The following VWA8 variants were observed in gnomAD, a reference collection of about 807,000 sequenced individuals.
The protein encoded by VWA8 is von Willebrand factor A domain-containing protein 8.
Under a neutral mutation model 241.5 loss-of-function variants are expected in VWA8, and 221 were observed. That is an observed-to-expected ratio of 0.91 (90% CI 0.82 to 1.02). VWA8 has a LOEUF of 1.02. Among genes scored for constraint, VWA8 ranks in the 50% least tolerant of loss-of-function variants. VWA8 has a pLI of 0.00. For missense variants in VWA8, 2,322 were observed against 2,328.7 expected, an observed-to-expected ratio of 1.00 and a Z score of 0.06; for synonymous variants, 852 against 827.1, an observed-to-expected ratio of 1.03 and a Z score of -0.52.
At chr13:41,933,896 G>A (rs111808719) in intron 2 of VWA8, among the ~76,000 whole-genome samples, 8 of 151,870 alleles carry the variant, frequency 5.3e-5, no homozygotes, top group Middle Eastern at 3.4e-3. Flanking sequence ...TGTGACCCTC[G>A]GTTAACAAAG....
chr13:41,615,454 T>A (rs1351084943), intron 37 of VWA8, among the ~76,000 whole-genome samples: 1 of 152,166 alleles, frequency 6.6e-6, no homozygotes, highest in Non-Finnish European at 1.5e-5. Flanking sequence ...TTTAAAAGGA[T>A]CACCACCTAG....
chr13:41,858,611 C>CA (rs905800828), intron 12 of VWA8, among the ~76,000 whole-genome samples: 77 of 133,026 alleles, frequency 5.8e-4, no homozygotes, highest in East Asian at 1.1e-3. Flanking sequence ...GACTTCATCT[C>CA]AAAAAAAAAA....
intron 2 of VWA8, among the ~76,000 whole-genome samples, chr13:41,944,999 C>A (rs1877786343): frequency 6.6e-6 from 1 of 152,148 alleles, no homozygotes; most frequent in Admixed American, 6.5e-5. Context: ...GAAGGCCATG[C>A]ATATATTCAG....
intron 43 of VWA8, among the ~76,000 whole-genome samples, 176 bp from the exon 44 acceptor site, chr13:41,570,882 T>C (rs1023717554): frequency 6.6e-6 from 1 of 152,250 alleles, no homozygotes; most frequent in Non-Finnish European, 1.5e-5. Flanking sequence ...TATACAGTGA[T>C]ATTTGTTATC....
intron 15 of VWA8, among the ~76,000 whole-genome samples, chr13:41,818,830 A>C (rs1870819199): frequency 6.6e-6 from 1 of 152,164 alleles, no homozygotes; most frequent in Non-Finnish European, 1.5e-5. Flanking sequence ...CTAAACAGAA[A>C]AATAAAAAGG....
intron 37 of VWA8, among the ~76,000 whole-genome samples, chr13:41,662,130 C>T (rs1339789906): frequency 6.6e-6 from 1 of 152,066 alleles, no homozygotes; most frequent in Non-Finnish European, 1.5e-5. Flanking sequence ...GTTCATTTAT[C>T]TTCCCATATA....
At chr13:41,734,582 C>T (rs2045510959) in intron 21 of VWA8, among the ~76,000 whole-genome samples, 1 of 152,146 alleles carries the variant, frequency 6.6e-6, no homozygotes, top group Admixed American at 6.5e-5. Flanking sequence ...AATTTGTAGA[C>T]TATTTGCCTT....
intron 2 of VWA8, among the ~76,000 whole-genome samples, chr13:41,917,960 G>A (rs189968407): frequency 3.2e-4 from 48 of 152,162 alleles, no homozygotes; most frequent in Non-Finnish European, 7.4e-5. Context: ...CTGCAACTAC[G>A]TGCTCATCTG....
chr13:41,957,747 G>A (rs955975246), intron 1 of VWA8, among the ~76,000 whole-genome samples: 1 of 152,120 alleles, frequency 6.6e-6, no homozygotes, highest in Non-Finnish European at 1.5e-5. Context: ...AACATAGATT[G>A]CTGTGTAAAA....
chr13:41,921,788 C>T (rs1014696524), intron 2 of VWA8, among the ~76,000 whole-genome samples: 3 of 152,122 alleles, frequency 2.0e-5, no homozygotes, highest in South Asian at 2.1e-4. Context: ...TAAAAGAGGA[C>T]ACAAACAAAT....
At chr13:41,646,422 T>G (rs2044832952) in intron 37 of VWA8, among the ~76,000 whole-genome samples, 1 of 152,226 alleles carries the variant, frequency 6.6e-6, no homozygotes, top group Non-Finnish European at 1.5e-5. Context: ...ATACTACTTC[T>G]GATATTCATA....
chr13:41,856,744 A>C (rs1383910237), intron 12 of VWA8, among the ~76,000 whole-genome samples: 1 of 151,822 alleles, frequency 6.6e-6, no homozygotes, highest in African/African-American at 2.4e-5. Flanking sequence ...GGATGGTTTG[A>C]GCCTGGAAGG....
chr13:41,844,545 C>T (rs1455804826), intron 12 of VWA8, among the ~76,000 whole-genome samples: 1 of 152,118 alleles, frequency 6.6e-6, no homozygotes, highest in African/African-American at 2.4e-5. Flanking sequence ...GATAGGAAAT[C>T]AAACTATTTC....
chr13:41,767,442 C>T (rs2045786543), intron 20 of VWA8, among the ~76,000 whole-genome samples: 1 of 152,152 alleles, frequency 6.6e-6, no homozygotes, highest in South Asian at 2.1e-4. Context: ...TCTCTAAATA[C>T]TATTTTACAA....
chr13:41,851,886 T>C (rs980052859), intron 12 of VWA8, among the ~76,000 whole-genome samples: 5 of 152,212 alleles, frequency 3.3e-5, no homozygotes, highest in African/African-American at 9.6e-5. Context: ...TATGCCACAA[T>C]AAACATGGGA....
At chr13:41,913,086 C>A (rs1172679991) in intron 2 of VWA8, among the ~76,000 whole-genome samples, 3 of 152,060 alleles carry the variant, frequency 2.0e-5, no homozygotes, top group African/African-American at 7.2e-5. Flanking sequence ...AAGACCCCCA[C>A]TTCCAATGAT....
At chr13:41,679,729 G>T (rs1212498544) in intron 35 of VWA8, among the ~76,000 whole-genome samples, 3 of 152,120 alleles carry the variant, frequency 2.0e-5, no homozygotes, top group Admixed American at 2.0e-4. Flanking sequence ...TAATTAGATG[G>T]TTGGATTTGG....
At chr13:41,928,411 T>A (rs563260574) in intron 2 of VWA8, among the ~76,000 whole-genome samples, 162 of 152,146 alleles carry the variant, frequency 1.1e-3, no homozygotes, top group African/African-American at 3.6e-3. Flanking sequence ...TTTCAGATCA[T>A]AATGATATGA....
chr13:41,622,504 C>T (rs1260130590), intron 37 of VWA8, among the ~76,000 whole-genome samples: 1 of 152,068 alleles, frequency 6.6e-6, no homozygotes, highest in Non-Finnish European at 1.5e-5. Flanking sequence ...AAAAATTTCC[C>T]CAAAAAAGAA....
Sources: gnomAD v4.1 joint callset for allele counts (sites outside exome capture counted in the v4.1 genomes callset) on GRCh38, gnomAD v4.1.1 for gene constraint, MANE v1.5 for transcripts, NCBI Gene and HGNC (gene_info 2026-07-23, HGNC 2026-07-21) for gene names.